NIPA2: variants seen among roughly 807,000 people sequenced by gnomAD.
NIPA2 encodes magnesium transporter NIPA2.
A neutral mutation model predicts 29.7 loss-of-function variants in NIPA2; 11 were observed. That is an observed-to-expected ratio of 0.37 (90% CI 0.23 to 0.61). The LOEUF (loss-of-function observed/expected upper bound fraction) is 0.61, where lower values mean the gene tolerates loss of function less well. Ranked by LOEUF, NIPA2 falls within the 20% of genes least tolerant of loss-of-function variation. The pLI, the probability that NIPA2 is intolerant of heterozygous loss-of-function variation, is 0.66. For synonymous variants in NIPA2, 183 were observed against 161.9 expected (o/e 1.13, Z -0.99); for missense variants, 426 against 437.9 (o/e 0.97, Z 0.24).
intron 7 of NIPA2, among the ~76,000 whole-genome samples, chr15:22,863,834 C>G (rs2058783773): frequency 6.6e-6 from 1 of 152,150 alleles, no homozygotes; most frequent in African/African-American, 2.4e-5. Context: ...CTTCTCTTTT[C>G]TCTGGATTTT....
chr15:22,844,622 G>A (rs1241083101), intron 2 of NIPA2, among the ~76,000 whole-genome samples: 1 of 152,008 alleles, frequency 6.6e-6, no homozygotes, highest in Non-Finnish European at 1.5e-5. Flanking sequence ...AGGTGTCGTG[G>A]TATACGCCTG....
chr15:22,843,248 T>C (rs1897618016), intron 2 of NIPA2, among the ~76,000 whole-genome samples: 1 of 152,084 alleles, frequency 6.6e-6, no homozygotes, highest in South Asian at 2.1e-4. Flanking sequence ...CTCACGCCTG[T>C]AATCCCAGCA....
chr15:22,857,086 CTT>C (rs144326777), intron 5 of NIPA2, among the ~76,000 whole-genome samples: 10,653 of 152,248 alleles, frequency 0.07, 571 homozygotes, highest in East Asian at 0.23. Flanking sequence ...CTTCATAACA[CTT>C]TTAACCTCTT....
At position 22,867,219 on chromosome 15, in the gene NIPA2, A is replaced by G. The variant is rs1264048638; in HGVS notation, c.*372A>G. ...ATCCCCACTCCATCAATCCCTGACC[A>G]TGTAAGGCTTTTTTATTTTAAAAAA... is the stretch of plus-strand genomic sequence containing the variant. On this transcript the variant is annotated 3_prime_UTR_variant, in exon 8 of 8. Coordinates refer to ENST00000337451, the MANE Select transcript of NIPA2 (RefSeq NM_030922.7). The G allele has an allele frequency of 2.2e-5, 9 of 406,392 alleles. 1 individual carries two copies. Among genetic ancestry groups the G allele is most frequent in the East Asian group, 1.8e-4 (5 of 28,356 alleles). The allele number at this position is 406,392 out of a possible 1,614,324, so 25.2% of individuals were successfully genotyped here. A position where few individuals can be genotyped will look rare whatever the true frequency, so the allele number is the denominator to read the frequency against.
chr15:22,865,681 T>C (rs1197128578), intron 7 of NIPA2, among the ~76,000 whole-genome samples: 1 of 152,122 alleles, frequency 6.6e-6, no homozygotes, highest in Non-Finnish European at 1.5e-5. Context: ...TTGGCTATTA[T>C]CATGCTGGAT....
intron 7 of NIPA2, 104 bp from the exon 8 acceptor site, chr15:22,866,109 G>T: frequency 2.2e-6 from 2 of 910,486 alleles, no homozygotes; most frequent in South Asian, 3.6e-5. Context: ...TTATTTCCAG[G>T]CCATACCTTT....
intron 3 of NIPA2, among the ~76,000 whole-genome samples, chr15:22,849,699 A>G (rs2057574655): frequency 6.6e-6 from 1 of 151,828 alleles, no homozygotes; most frequent in African/African-American, 2.4e-5. Context: ...AGCTGGAACT[A>G]CAGGCGCCTG....
chr15:22,860,606 AT>A (rs775841219), intron 6 of NIPA2, 22 bp from the exon 7 acceptor site: 303 of 1,493,716 alleles, frequency 2.0e-4, no homozygotes, highest in Admixed American at 5.0e-4. Context: ...AAAGTTCTCA[AT>A]TTTTTTTCCT....
intron 4 of NIPA2, among the ~76,000 whole-genome samples, chr15:22,852,993 A>G (rs2057886914): frequency 6.6e-6 from 1 of 152,138 alleles, no homozygotes; most frequent in Non-Finnish European, 1.5e-5. Flanking sequence ...GCTTGGTCCT[A>G]AGAGGTGCTC....
chr15:22,851,445 G>C (rs532172343), intron 3 of NIPA2, among the ~76,000 whole-genome samples, 194 bp from the exon 4 acceptor site: 4 of 151,966 alleles, frequency 2.6e-5, no homozygotes, highest in Admixed American at 6.5e-5. Context: ...TGGTTTTATA[G>C]CATGATCCTA....
At chr15:22,855,289 TGCCTGTAATCCCA>T (rs2058095923) in intron 5 of NIPA2, among the ~76,000 whole-genome samples, 1 of 151,682 alleles carries the variant, frequency 6.6e-6, no homozygotes, top group African/African-American at 2.4e-5. Flanking sequence ...TGGTGGTGCA[TGCCTGTAATCCCA>T]GCTACTCGGG....
At chr15:22,846,098 G>T (rs1422377916) in intron 3 of NIPA2, among the ~76,000 whole-genome samples, 1 of 152,198 alleles carries the variant, frequency 6.6e-6, no homozygotes, top group South Asian at 2.1e-4. Flanking sequence ...GGACAGACGA[G>T]ATGGACGGAA....
chr15:22,867,135 A>G lies in NIPA2; in HGVS notation c.*288A>G. On this transcript the variant is annotated 3_prime_UTR_variant, in exon 8 of 8. Coordinates refer to ENST00000337451, the MANE Select transcript of NIPA2 (RefSeq NM_030922.7). ...GCCGAATGCACTAATGACAGTTTTA[A>G]GTCTATGAAAATGCTTTATTTTTTC... is the stretch of plus-strand genomic sequence containing the variant. The G allele has an allele frequency of 2.2e-6, 1 of 462,532 alleles. No homozygotes were observed. 28.7% of individuals were successfully genotyped at this position (462,532 alleles called of 1,614,324 possible). A position where few individuals can be genotyped will look rare whatever the true frequency, so the allele number is the denominator to read the frequency against.
intron 3 of NIPA2, among the ~76,000 whole-genome samples, chr15:22,851,080 A>G (rs1349072471): frequency 2.0e-5 from 3 of 152,176 alleles, no homozygotes; most frequent in Non-Finnish European, 4.4e-5. Context: ...CACCGGTACC[A>G]TACTGCACGC....
intron 5 of NIPA2, 81 bp downstream of exon 5, chr15:22,853,349 A>G: frequency 2.5e-6 from 2 of 808,660 alleles, no homozygotes; most frequent in Non-Finnish European, 4.0e-6. Flanking sequence ...CCTCATTACT[A>G]GCAAGTTTTA....
At chr15:22,856,832 T>C (rs944017085) in intron 5 of NIPA2, among the ~76,000 whole-genome samples, 17 of 152,214 alleles carry the variant, frequency 1.1e-4, no homozygotes, top group African/African-American at 4.1e-4. Context: ...TCTCATACGC[T>C]GCTAAATGAA....
At chr15:22,843,493 G>C (rs912795227) in intron 2 of NIPA2, among the ~76,000 whole-genome samples, 11 of 144,524 alleles carry the variant, frequency 7.6e-5, no homozygotes, top group African/African-American at 2.0e-4. Context: ...GGGACAGAGC[G>C]AGACTCCATC....
At chr15:22,851,937 C>T in intron 4 of NIPA2, 67 bp downstream of exon 4, 2 of 1,332,492 alleles carry the variant, frequency 1.5e-6, no homozygotes, top group Non-Finnish European at 2.1e-6. Flanking sequence ...GTTCTTTGTA[C>T]AAGACCACAT....
At position 22,867,068 on chromosome 15, in the gene NIPA2, A is replaced by ATTGT. The variant is rs2059143831; in HGVS notation, c.*223_*226dup. 1 of 520,616 alleles carries ATTGT rather than the reference A, an allele frequency of 1.9e-6. No individual in the cohort carries two copies. Among genetic ancestry groups the ATTGT allele is most frequent in the East Asian group, 3.1e-5 (1 of 32,690 alleles). The allele number at this position is 520,616 out of a possible 1,614,324, so 32.2% of individuals were successfully genotyped here. A position where few individuals can be genotyped will look rare whatever the true frequency, so the allele number is the denominator to read the frequency against. On this transcript the variant is annotated 3_prime_UTR_variant, in exon 8 of 8. Transcript: ENST00000337451. ...ACATGACGATTTCTATTAACATTTT[A>ATTGT]TTGTTGTAGAAGTATTTTACATTTT...
Sources: gnomAD v4.1 joint callset for allele counts (sites outside exome capture counted in the v4.1 genomes callset) on GRCh38, gnomAD v4.1.1 for gene constraint, MANE v1.5 for transcripts, NCBI Gene and HGNC (gene_info 2026-07-23, HGNC 2026-07-21) for gene names.